Variants in CPEB2 observed in about 807,000 individuals in gnomAD.
CPEB2 encodes cytoplasmic polyadenylation element binding protein 2.
A neutral mutation model predicts 93.6 loss-of-function variants in CPEB2; 56 were observed. The ratio of observed to expected loss-of-function variants is 0.60; its 90% CI spans 0.48 to 0.75. The LOEUF (loss-of-function observed/expected upper bound fraction) is 0.75. CPEB2 is among the 30% of genes least tolerant of loss of function. The pLI is 0.00. For synonymous variants in CPEB2, 764 were observed against 586.3 expected (o/e 1.30, Z -4.38); for missense variants, 1,579 against 1,395.1 (o/e 1.13, Z -2.10).
In CPEB2 at chr4:15,002,604, C is replaced by A. The variant is rs1332663640; in HGVS notation, c.-70C>A. 3 of 1,331,654 alleles carry A rather than the reference C, an allele frequency of 2.3e-6. No individual in the cohort carries two copies. Among genetic ancestry groups the A allele is most frequent in the Non-Finnish European group, 3.0e-6 (3 of 1,006,894 alleles). 82.5% of individuals were successfully genotyped at this position (1,331,654 alleles called of 1,614,324 possible). A position where few individuals can be genotyped will look rare whatever the true frequency, so the allele number is the denominator to read the frequency against. Reference sequence around the variant, plus strand: ...TCCTTCCACCACGGCCGCGCAACCCCAGCGCCGGCGGCTTCCTAGGTGGGG... The same window carrying A: ...TCCTTCCACCACGGCCGCGCAACCCAAGCGCCGGCGGCTTCCTAGGTGGGG... On this transcript the variant is annotated 5_prime_UTR_variant, in exon 1 of 12. Coordinates refer to ENST00000538197, the MANE Select transcript of CPEB2 (RefSeq NM_001177382.2).
intron 4 of CPEB2, among the ~76,000 whole-genome samples, chr4:15,019,393 G>A (rs964067254): frequency 1.3e-4 from 19 of 148,852 alleles, no homozygotes; most frequent in Admixed American, 2.7e-4. Context: ...CTTTCTCTCC[G>A]TACTCTGATT....
At chr4:15,004,401 G>T in intron 1 of CPEB2, 66 bp downstream of exon 1, 1 of 1,228,328 alleles carries the variant, frequency 8.1e-7, no homozygotes, top group South Asian at 1.7e-5. Flanking sequence ...ACGGAGGCGG[G>T]GGCAGGGCAG....
intron 6 of CPEB2, among the ~76,000 whole-genome samples, chr4:15,044,161 G>T (rs928960912): frequency 6.6e-6 from 1 of 152,184 alleles, no homozygotes; most frequent in Non-Finnish European, 1.5e-5. Context: ...TAATACAGGG[G>T]TCAGGAAACC....
At chr4:15,030,868 A>G (rs929259903) in intron 4 of CPEB2, among the ~76,000 whole-genome samples, 3 of 152,142 alleles carry the variant, frequency 2.0e-5, no homozygotes, top group South Asian at 2.1e-4. Flanking sequence ...TCAAAAGACT[A>G]TTAGCAGTGA....
rs1394016264 is a variant in CPEB2 at position 15,007,374 on chromosome 4, G to A, written c.1732G>A (p.Gly578Arg). 6.2e-7 allele frequency: 1 copy of A among 1,611,532 alleles called. No homozygotes were observed. The highest frequency in any genetic ancestry group is 8.5e-7 in the Non-Finnish European group (1 of 1,178,580). ...CTGGGGCACTGGAAGTATGTCCTGG[G>A]GAGCAATGCATGGCAGAGATCATCG... is the stretch of plus-strand genomic sequence containing the variant. ...SGWGTGSMSWGAMHGRDHRRT... is the reference protein window; with the variant it reads ...SGWGTGSMSWRAMHGRDHRRT... The change falls in exon 2 of 12, where the codon GGA (glycine) becomes AGA (arginine). Residue 578 changes from glycine (G) to arginine (R), a missense_variant. Transcript: ENST00000538197.
In CPEB2 at chr4:15,003,265, C is replaced by T; in HGVS notation, c.592C>T (p.Pro198Ser). 2 of 1,524,696 alleles carry T rather than the reference C, an allele frequency of 1.3e-6. No homozygotes were observed. Among genetic ancestry groups the T allele is most frequent in the Non-Finnish European group, 1.8e-6 (2 of 1,141,894 alleles). The allele number at this position is 1,524,696 out of a possible 1,614,324, so 94.4% of individuals were successfully genotyped here. A position where few individuals can be genotyped will look rare whatever the true frequency, so the allele number is the denominator to read the frequency against. The stretch of plus-strand genomic sequence containing the variant: ...CCCTCCGGACTCGAAGCCGCCGCCG[C>T]CGCCTCCGCCGCTCCACTGCCCCGG... ...PHPPDSKPPP[P>S]PPPLHCPGRF... is the part of the protein sequence containing the mutation. The change falls in exon 1 of 12, where the codon CCG (proline) becomes TCG (serine). Residue 198 changes from proline (P) to serine (S), a missense_variant. By Grantham distance (74) the Pro-to-Ser change is moderately conservative. Around this residue, in one of 2 missense-constraint regions of CPEB2, gnomAD observed 1,411 missense variants for 1,056.0 expected, o/e 1.34. Coordinates refer to ENST00000538197, the MANE Select transcript of CPEB2 (RefSeq NM_001177382.2).
At chr4:15,050,407 A>G (rs1417192787) in intron 6 of CPEB2, among the ~76,000 whole-genome samples, 2 of 152,172 alleles carry the variant, frequency 1.3e-5, no homozygotes, top group South Asian at 2.1e-4. Context: ...GATCGCTGCT[A>G]TAGATTATAT....
In CPEB2 at chr4:15,002,703, G is replaced by A. The variant is rs781764948; in HGVS notation, c.30G>A (p.Gln10=). 7.2e-6 allele frequency: 11 copies of A among 1,523,338 alleles called. No individual in the cohort carries two copies. In the East Asian group the frequency reaches 1.0e-4, roughly 14 times the overall value. The allele number at this position is 1,523,338 out of a possible 1,614,324, so 94.4% of individuals were successfully genotyped here. The change falls in exon 1 of 12, where the codon CAG becomes CAA. Residue 10 remains glutamine, a synonymous_variant. Transcript: ENST00000538197. The stretch of plus-strand genomic sequence containing the variant: ...GGGATTTCGGGTTTGGGGTGCTGCA[G>A]ACCGCCCCGCTCCGAAGTAGCAGTC... The part of the protein sequence containing the change: MRDFGFGVL[Q]TAPLRSSSPG...
chr4:15,067,806 G>T lies in CPEB2; in HGVS notation c.*1426G>T, dbSNP rs1420713709. On this transcript the variant is annotated 3_prime_UTR_variant, in exon 12 of 12. Transcript: ENST00000538197. ...ATTGGGGTCTTCTGTCTAAACTGGG[G>T]TCACTGTTGCATGGAACATTGTTCT... The T allele has an allele frequency of 2.6e-5, 4 of 152,354 alleles. No homozygotes were observed. Among genetic ancestry groups the T allele is most frequent in the Non-Finnish European group, 5.9e-5 (4 of 67,916 alleles). The allele number at this position is 152,354 out of a possible 1,614,324, so 9.4% of individuals were successfully genotyped here. A position where few individuals can be genotyped will look rare whatever the true frequency, so the allele number is the denominator to read the frequency against.
intron 4 of CPEB2, among the ~76,000 whole-genome samples, chr4:15,021,848 C>A (rs913228418): frequency 2.6e-5 from 4 of 152,034 alleles, no homozygotes; most frequent in Non-Finnish European, 5.9e-5. Flanking sequence ...TTTTTTAAGA[C>A]TCCTGAAGTA....
chr4:15,064,367 A>G (rs978302770), intron 11 of CPEB2, among the ~76,000 whole-genome samples: 1 of 152,108 alleles, frequency 6.6e-6, no homozygotes, highest in Admixed American at 6.6e-5. Flanking sequence ...TTCCATCTTT[A>G]AAGTCTGGTT....
At chr4:15,049,007 TG>T (rs1371003972) in intron 6 of CPEB2, among the ~76,000 whole-genome samples, 1 of 152,080 alleles carries the variant, frequency 6.6e-6, no homozygotes, top group Admixed American at 6.5e-5. Flanking sequence ...GTAGCTTTTA[TG>T]GCTTCTTGAA....
At chr4:15,006,123 G>GC (rs1722784859) in intron 1 of CPEB2, among the ~76,000 whole-genome samples, 2 of 152,140 alleles carry the variant, frequency 1.3e-5, no homozygotes, top group South Asian at 4.1e-4. Context: ...GGAGAGTAAG[G>GC]CCCTCAAGAA....
At chr4:15,019,301 C>T (rs1295790895) in intron 4 of CPEB2, among the ~76,000 whole-genome samples, 1 of 151,672 alleles carries the variant, frequency 6.6e-6, no homozygotes, top group Non-Finnish European at 1.5e-5. Context: ...CTAAGTGCTG[C>T]CACTTTAAGT....
At chr4:15,062,479 T>C (rs1419485926) in intron 11 of CPEB2, among the ~76,000 whole-genome samples, 2 of 152,094 alleles carry the variant, frequency 1.3e-5, no homozygotes, top group East Asian at 3.9e-4. Flanking sequence ...TGTGCAGCCA[T>C]GTCAAAATTT....
chr4:15,015,929 GTC>G (rs1215683514), intron 3 of CPEB2, among the ~76,000 whole-genome samples: 3 of 151,956 alleles, frequency 2.0e-5, no homozygotes, highest in Non-Finnish European at 2.9e-5. Flanking sequence ...TGGCATCTCT[GTC>G]TCTCAGAATA....
intron 4 of CPEB2, among the ~76,000 whole-genome samples, chr4:15,024,934 C>T (rs1412067442): frequency 6.6e-6 from 1 of 151,546 alleles, no homozygotes; most frequent in East Asian, 1.9e-4. Context: ...TCAGTAGAGA[C>T]GGGGTTTCAC....
chr4:15,030,654 T>C (rs1215887670), intron 4 of CPEB2, among the ~76,000 whole-genome samples: 1 of 152,112 alleles, frequency 6.6e-6, no homozygotes, highest in Non-Finnish European at 1.5e-5. Context: ...AGAAAAAGAC[T>C]CATCTTTAAA....
At chr4:15,058,341 T>C in intron 8 of CPEB2, 80 bp from the exon 9 acceptor site, 1 of 742,698 alleles carries the variant, frequency 1.3e-6, no homozygotes. Context: ...TTCAAAAGCA[T>C]GTATTTTCTA....
Sources: gnomAD v4.1 joint callset for allele counts (sites outside exome capture counted in the v4.1 genomes callset) on GRCh38, gnomAD v4.1.1 for gene constraint, gnomAD v4.1.1 regional missense constraint, MANE v1.5 for transcripts, NCBI Gene and HGNC (gene_info 2026-07-23, HGNC 2026-07-21) for gene names.